BTBD9: variants seen among roughly 807,000 people sequenced by gnomAD.
The protein encoded by BTBD9 is BTB domain containing 9, also known as BTB/POZ domain-containing protein 9.
A neutral mutation model predicts 64.3 loss-of-function variants in BTBD9; 49 were observed. The ratio of observed to expected loss-of-function variants is 0.76; its 90% CI spans 0.61 to 0.97. The LOEUF (loss-of-function observed/expected upper bound fraction) is 0.97, where lower values mean the gene tolerates loss of function less well. Ranked by LOEUF, BTBD9 falls within the 50% of genes least tolerant of loss-of-function variation. The pLI is 0.00. For synonymous variants in BTBD9, 260 were observed against 274.7 expected (o/e 0.95, Z 0.53); for missense variants, 598 against 762.1 (o/e 0.78, Z 2.53).
chr6:38,302,485 G>GTGTATATATATATA (rs1554137022), intron 7 of BTBD9, among the ~76,000 whole-genome samples: 11 of 106,894 alleles, frequency 1.0e-4, no homozygotes, highest in South Asian at 3.5e-4. Context: ...TTGTGTGTAT[G>GTGTATATATATATA]TATATATATA....
At chr6:38,568,721 A>C (rs565254709) in intron 6 of BTBD9, among the ~76,000 whole-genome samples, 1 of 152,322 alleles carries the variant, frequency 6.6e-6, no homozygotes, top group East Asian at 1.9e-4. Context: ...ATATCTATGA[A>C]ATGTATTATT....
chr6:38,589,939 A>C (rs899360843), intron 4 of BTBD9, among the ~76,000 whole-genome samples: 1 of 152,136 alleles, frequency 6.6e-6, no homozygotes, highest in Non-Finnish European at 1.5e-5. Flanking sequence ...TCCAAGTTTC[A>C]GACTTTGTTT....
intron 6 of BTBD9, among the ~76,000 whole-genome samples, chr6:38,387,691 G>T (rs1216249663): frequency 6.6e-6 from 1 of 152,102 alleles, no homozygotes; most frequent in Non-Finnish European, 1.5e-5. Flanking sequence ...TATAACATAT[G>T]GATCTGCAAG....
At chr6:38,464,521 A>T (rs1017510181) in intron 6 of BTBD9, among the ~76,000 whole-genome samples, 1 of 151,502 alleles carries the variant, frequency 6.6e-6, no homozygotes, top group Non-Finnish European at 1.5e-5. Context: ...TTTGAGACAG[A>T]GTCTCACTCT....
intron 6 of BTBD9, among the ~76,000 whole-genome samples, chr6:38,415,960 C>A (rs1160692440): frequency 2.6e-5 from 4 of 152,156 alleles, no homozygotes; most frequent in Non-Finnish European, 5.9e-5. Context: ...GAAGTCCTAA[C>A]AGAGCCAGAG....
chr6:38,216,787 C>T (rs1386370117), intron 9 of BTBD9, among the ~76,000 whole-genome samples: 1 of 152,158 alleles, frequency 6.6e-6, no homozygotes, highest in African/African-American at 2.4e-5. Context: ...GGCTTCCCAT[C>T]GGTGGGGGAG....
intron 6 of BTBD9, among the ~76,000 whole-genome samples, chr6:38,562,098 G>A (rs567889386): frequency 2.2e-4 from 33 of 152,318 alleles, no homozygotes; most frequent in Non-Finnish European, 4.6e-4. Flanking sequence ...AAATTATGAT[G>A]TGGACTCCTT....
chr6:38,241,113 C>T (rs901169417), intron 9 of BTBD9, among the ~76,000 whole-genome samples: 1 of 152,164 alleles, frequency 6.6e-6, no homozygotes, highest in Non-Finnish European at 1.5e-5. Flanking sequence ...TTTCAAAGCT[C>T]CAGCATCAGA....
At chr6:38,309,786 G>C (rs1387137738) in intron 7 of BTBD9, among the ~76,000 whole-genome samples, 1 of 151,276 alleles carries the variant, frequency 6.6e-6, no homozygotes, top group Non-Finnish European at 1.5e-5. Flanking sequence ...TTAAGCTAGA[G>C]GCTGTATCTG....
At chr6:38,284,221 A>T (rs1354483827) in intron 8 of BTBD9, among the ~76,000 whole-genome samples, 2 of 151,900 alleles carry the variant, frequency 1.3e-5, no homozygotes, top group African/African-American at 4.8e-5. Flanking sequence ...AGGAAGTTGG[A>T]GGCTTCATAC....
chr6:38,544,370 A>G (rs763691325), intron 6 of BTBD9, among the ~76,000 whole-genome samples: 5 of 152,064 alleles, frequency 3.3e-5, no homozygotes, highest in Non-Finnish European at 5.9e-5. Context: ...ACTGAATAAA[A>G]ACATAAGGGG....
intron 6 of BTBD9, among the ~76,000 whole-genome samples, chr6:38,428,041 C>T (rs1463353388): frequency 1.3e-5 from 2 of 151,778 alleles, no homozygotes; most frequent in African/African-American, 4.9e-5. Flanking sequence ...GGTAAGCAGG[C>T]CCCTTCAAAG....
intron 6 of BTBD9, among the ~76,000 whole-genome samples, chr6:38,419,258 A>G (rs1732629499): frequency 6.6e-6 from 1 of 152,164 alleles, no homozygotes; most frequent in African/African-American, 2.4e-5. Flanking sequence ...GGCTCAGAGG[A>G]CATGGGCCAC....
chr6:38,233,937 G>A (rs142483278), intron 9 of BTBD9, among the ~76,000 whole-genome samples: 1 of 152,322 alleles, frequency 6.6e-6, no homozygotes, highest in African/African-American at 2.4e-5. Context: ...AAAGAGATAA[G>A]GCTTTTATAT....
intron 6 of BTBD9, among the ~76,000 whole-genome samples, chr6:38,420,900 T>A (rs13200492): frequency 0.097 from 14,720 of 152,016 alleles, 753 homozygotes; most frequent in African/African-American, 0.11. Flanking sequence ...ATAAAACAAT[T>A]ACATAAGAAA....
At chr6:38,179,891 G>C (rs1272652727) in intron 10 of BTBD9, 1 of 447,810 alleles carries the variant, frequency 2.2e-6, no homozygotes, top group Admixed American at 2.4e-5. Flanking sequence ...GAGGCAGGGA[G>C]GGGAGCTGCT....
At chr6:38,409,807 G>A (rs928217279) in intron 6 of BTBD9, among the ~76,000 whole-genome samples, 2 of 152,046 alleles carry the variant, frequency 1.3e-5, no homozygotes, top group African/African-American at 4.8e-5. Flanking sequence ...CTGGGCAACA[G>A]AGCAAGACTC....
At chr6:38,192,462 G>C in intron 10 of BTBD9, 57 bp downstream of exon 10, 11 of 1,447,140 alleles carry the variant, frequency 7.6e-6, no homozygotes, top group Non-Finnish European at 8.7e-6. Context: ...TCAGGATGTA[G>C]CATTTACCTG....
intron 1 of BTBD9, among the ~76,000 whole-genome samples, chr6:38,637,945 T>G (rs1778582910): frequency 6.6e-6 from 1 of 152,230 alleles, no homozygotes; most frequent in Admixed American, 6.5e-5. Context: ...GCCTTAATCC[T>G]TAACACTTTG....
Sources: allele counts gnomAD v4.1 joint callset (sites outside exome capture counted in the v4.1 genomes callset), GRCh38; gene constraint gnomAD v4.1.1; transcripts MANE v1.5; gene names NCBI Gene and HGNC (gene_info 2026-07-23, HGNC 2026-07-21).